The following DENND1B variants were observed in gnomAD, a reference collection of about 807,000 sequenced individuals.
DENND1B encodes DENN domain containing 1B.
In DENND1B, 59 loss-of-function variants were observed where a neutral mutation model predicts 90.1. The observed-to-expected ratio is 0.65, with a 90% CI of 0.53 to 0.81. The LOEUF (loss-of-function observed/expected upper bound fraction) is 0.81. Ranked by LOEUF, DENND1B falls within the 40% of genes least tolerant of loss-of-function variation. The pLI is 0.00. For missense variants in DENND1B, 862 were observed against 912.6 expected (o/e 0.94, Z 0.71); for synonymous variants, 337 against 324.6 (o/e 1.04, Z -0.41).
intron 15 of DENND1B, among the ~76,000 whole-genome samples, chr1:197,559,294 T>G (rs1422467042): frequency 6.6e-6 from 1 of 151,958 alleles, no homozygotes; most frequent in African/African-American, 2.4e-5. Flanking sequence ...TATTTGATCT[T>G]TTTTAAATCC....
chr1:197,658,725 G>A (rs1209639149), intron 5 of DENND1B, among the ~76,000 whole-genome samples: 1 of 151,026 alleles, frequency 6.6e-6, no homozygotes, highest in Non-Finnish European at 1.5e-5. Context: ...TAAAACAAAA[G>A]ATATCAAAAA....
intron 2 of DENND1B, among the ~76,000 whole-genome samples, chr1:197,725,909 T>G (rs1030615470): frequency 1.3e-5 from 2 of 152,080 alleles, no homozygotes; most frequent in African/African-American, 4.8e-5. Context: ...AACCCAGTTA[T>G]GATGCTACAG....
chr1:197,704,854 AT>A (rs201963502), intron 3 of DENND1B, among the ~76,000 whole-genome samples: 16 of 152,210 alleles, frequency 1.1e-4, no homozygotes, highest in African/African-American at 3.4e-4. Context: ...AAAAAAAAAA[AT>A]AAAGCTAAAA....
chr1:197,665,444 T>A (rs1009753737), intron 5 of DENND1B, among the ~76,000 whole-genome samples: 6 of 152,144 alleles, frequency 3.9e-5, no homozygotes, highest in African/African-American at 1.4e-4. Flanking sequence ...TTGGGTTTTT[T>A]AAAAAATAAT....
chr1:197,563,619 T>C (rs1437017735), intron 15 of DENND1B, among the ~76,000 whole-genome samples: 1 of 151,984 alleles, frequency 6.6e-6, no homozygotes, highest in Non-Finnish European at 1.5e-5. Flanking sequence ...TTAATGTTGT[T>C]TTCATGCCTG....
At chr1:197,585,700 A>C (rs182543523) in intron 14 of DENND1B, among the ~76,000 whole-genome samples, 1 of 152,360 alleles carries the variant, frequency 6.6e-6, no homozygotes, top group Admixed American at 6.5e-5. Flanking sequence ...CAAAAGGCAA[A>C]GCACTGACAC....
At chr1:197,779,277 T>A (rs1315011266), upstream of DENND1B, among the ~76,000 whole-genome samples, 1 of 152,230 alleles carries the variant, frequency 6.6e-6, no homozygotes, top group Non-Finnish European at 1.5e-5. Context: ...CTAATAACAA[T>A]TGGAACTTTG....
intron 9 of DENND1B, among the ~76,000 whole-genome samples, chr1:197,643,424 G>A (rs1027667092): frequency 6.6e-6 from 1 of 152,026 alleles, no homozygotes; most frequent in African/African-American, 2.4e-5. Flanking sequence ...CCCAAGTTCT[G>A]GGATTACAGG....
intron 10 of DENND1B, among the ~76,000 whole-genome samples, chr1:197,625,070 G>A (rs1218529699): frequency 1.3e-5 from 2 of 152,026 alleles, no homozygotes; most frequent in Non-Finnish European, 2.9e-5. Flanking sequence ...CAGGGAGAAT[G>A]GAACCAAGTT....
intron 2 of DENND1B, among the ~76,000 whole-genome samples, chr1:197,721,134 A>G (rs985527362): frequency 4.8e-5 from 7 of 145,976 alleles, no homozygotes; most frequent in Admixed American, 2.8e-4. Context: ...CAGTGGCACA[A>G]TCTCTGCTCA....
chr1:197,554,365 T>C (rs372992421), intron 15 of DENND1B, among the ~76,000 whole-genome samples: 1 of 152,030 alleles, frequency 6.6e-6, no homozygotes, highest in Non-Finnish European at 1.5e-5. Flanking sequence ...ATCCAAAAAC[T>C]AACTAATCCT....
chr1:197,529,497 T>C (rs1248539380), intron 20 of DENND1B, among the ~76,000 whole-genome samples: 1 of 151,656 alleles, frequency 6.6e-6, no homozygotes, highest in African/African-American at 2.4e-5. Context: ...CTTAGGGCCA[T>C]CCATCTGTTA....
intron 15 of DENND1B, among the ~76,000 whole-genome samples, chr1:197,578,759 TAGG>T (rs1262977753): frequency 6.6e-6 from 1 of 152,084 alleles, no homozygotes; most frequent in Non-Finnish European, 1.5e-5. Context: ...ATAAGTAAAC[TAGG>T]AGAACACTGT....
chr1:197,713,852 T>TAA (rs1186096088), intron 3 of DENND1B, among the ~76,000 whole-genome samples: 1 of 6,768 alleles, frequency 1.5e-4, no homozygotes, highest in Non-Finnish European at 2.3e-4. Context: ...TATTATATTA[T>TAA]TATAATATAT....
At chr1:197,546,649 C>T in intron 17 of DENND1B, 84 bp downstream of exon 17, 1 of 1,092,388 alleles carries the variant, frequency 9.2e-7, no homozygotes, top group Non-Finnish European at 1.3e-6. Flanking sequence ...AAATAAACAG[C>T]ATAAGTATAA....
chr1:197,673,288 G>A (rs889940352), intron 4 of DENND1B, among the ~76,000 whole-genome samples: 1 of 151,780 alleles, frequency 6.6e-6, no homozygotes, highest in Admixed American at 6.6e-5. Flanking sequence ...GTAGGGGTAG[G>A]GCAATGATTC....
At position 197,510,234 on chromosome 1, in the gene DENND1B, T is replaced by TA; in HGVS notation, c.*225dup. 1 of 540,312 alleles carries TA rather than the reference T, an allele frequency of 1.9e-6. No homozygotes were observed. The highest frequency in any genetic ancestry group is 3.2e-6 in the Non-Finnish European group (1 of 312,746). The allele number at this position is 540,312 out of a possible 1,614,324, so 33.5% of individuals were successfully genotyped here. A position where few individuals can be genotyped will look rare whatever the true frequency, so the allele number is the denominator to read the frequency against. ...GAAATCTCATGGTCAATACATACTT[T>TA]AAACATACATACACACTAGTACCTG... On this transcript the variant is annotated 3_prime_UTR_variant, in exon 23 of 23. Transcript: ENST00000620048.
intron 10 of DENND1B, among the ~76,000 whole-genome samples, chr1:197,628,124 C>T (rs1285345412): frequency 1.1e-4 from 16 of 152,050 alleles, no homozygotes; most frequent in Non-Finnish European, 2.1e-4. Flanking sequence ...AGATTCAATG[C>T]CATCCCCATA....
chr1:197,540,134 G>C (rs1188657111), intron 19 of DENND1B, 63 bp from the exon 20 acceptor site: 6 of 1,146,040 alleles, frequency 5.2e-6, no homozygotes, highest in Non-Finnish European at 2.5e-6. Flanking sequence ...TAACGTATTA[G>C]ATTAATAAAC....
Sources: allele counts gnomAD v4.1 joint callset (sites outside exome capture counted in the v4.1 genomes callset), GRCh38; gene constraint gnomAD v4.1.1; transcripts MANE v1.5; gene names NCBI Gene and HGNC (gene_info 2026-07-23, HGNC 2026-07-21).